The following DNAAF2 variants were observed in gnomAD, a reference collection of about 807,000 sequenced individuals.
The protein encoded by DNAAF2 is protein kintoun.
A neutral mutation model predicts 48.8 loss-of-function variants in DNAAF2; 58 were observed. The ratio of observed to expected loss-of-function variants is 1.19; its 90% CI spans 0.96 to 1.48. The LOEUF is 1.48. Among genes scored for constraint, DNAAF2 ranks in the 40% most tolerant of loss-of-function variants. The pLI, the probability that DNAAF2 is intolerant of heterozygous loss-of-function variation, is 0.00. For missense variants in DNAAF2, 1,241 were observed against 1,116.1 expected (o/e 1.11, Z -1.59); for synonymous variants, 567 against 481.2 (o/e 1.18, Z -2.33).
Position 49,634,686 on chromosome 14 carries a change from CG to C in DNAAF2, c.463del (p.Arg155GlyfsTer24). 2.5e-6 allele frequency: 4 copies of C among 1,606,280 alleles called. No homozygotes were observed. Among genetic ancestry groups the C allele is most frequent in the Non-Finnish European group, 1.7e-6 (2 of 1,179,684 alleles). ...VFHPDALALA[R>X]RHEGFRQMLD... The stretch of plus-strand genomic sequence containing the variant: ...CATCTGGCGGAAGCCCTCGTGCCGC[CG>C]GGCCAGCGCAAGCGCGTCTGGATGG... On this transcript the variant is annotated frameshift_variant, in exon 1 of 3. Coordinates refer to ENST00000298292, the MANE Select transcript of DNAAF2 (RefSeq NM_018139.3). LOFTEE classifies it high-confidence loss of function.
intron 2 of DNAAF2, among the ~76,000 whole-genome samples, chr14:49,626,967 G>A (rs1324148015): frequency 2.6e-5 from 4 of 151,756 alleles, no homozygotes; most frequent in Admixed American, 2.0e-4. Flanking sequence ...CATGACGCCC[G>A]GCTAATTTTT....
chr14:49,633,241 T>G, intron 1 of DNAAF2, 46 bp downstream of exon 1: 1 of 1,591,390 alleles, frequency 6.3e-7, no homozygotes, highest in Non-Finnish European at 8.6e-7. Context: ...ATTTTTAAAG[T>G]GAGATGGGAT....
Position 49,634,962 on chromosome 14 carries a change from C to A in DNAAF2, c.188G>T (p.Arg63Leu). 9 of 1,560,426 alleles carry A rather than the reference C, an allele frequency of 5.8e-6. No homozygotes were observed. Among genetic ancestry groups the A allele is most frequent in the Non-Finnish European group, 7.8e-6 (9 of 1,152,400 alleles). ...GTGCACGAACCGCACTTCCACCCCGCGCTCACGCTCTAGCGCGGTGATCTC... is the reference window on the plus strand; with the variant it reads ...GTGCACGAACCGCACTTCCACCCCGAGCTCACGCTCTAGCGCGGTGATCTC... ...EAEITALERE[R>L]GVEVRFVHPE... is the part of the protein sequence containing the mutation. Residue 63 changes from arginine (R) to leucine (L), a missense_variant, in exon 1 of 3, where the codon CGC becomes CTC. Coordinates refer to ENST00000298292, the MANE Select transcript of DNAAF2 (RefSeq NM_018139.3).
Position 49,625,458 on chromosome 14 carries a change from G to C in DNAAF2, c.*84C>G, listed in dbSNP as rs187830950. ...TTAATTTTATACTTTAATACCTTTA[G>C]TTTTAAGACAACAGTTAACAGAATC... is the stretch of plus-strand genomic sequence containing the variant. On this transcript the variant is annotated 3_prime_UTR_variant, in exon 3 of 3. Transcript: ENST00000298292. 136 of 1,077,378 alleles carry C rather than the reference G, an allele frequency of 1.3e-4. No homozygotes were observed. The highest frequency in any genetic ancestry group is 6.8e-4 in the Admixed American group (18 of 26,536). 66.7% of individuals were successfully genotyped at this position (1,077,378 alleles called of 1,614,324 possible).
At chr14:49,628,274 T>C in intron 1 of DNAAF2, 119 bp from the exon 2 acceptor site, 2 of 870,268 alleles carry the variant, frequency 2.3e-6, no homozygotes, top group Non-Finnish European at 3.5e-6. Context: ...AAAATGTTTA[T>C]TTTAATGTTA....
chr14:49,634,209 G>A lies in DNAAF2; in HGVS notation c.941C>T (p.Pro314Leu). 6.2e-7 allele frequency: 1 copy of A among 1,612,140 alleles called. No homozygotes were observed. The highest frequency in any genetic ancestry group is 8.5e-7 in the Non-Finnish European group (1 of 1,179,708). ...RKLLCLDSRK[P>L]DYRLRLSLPY... is the part of the protein sequence containing the mutation. The stretch of plus-strand genomic sequence containing the variant: ...GAGCGAGAGCCGCAGCCGGTAGTCA[G>A]GTTTCCTCGAGTCGAGGCACAGCAG... The change falls in exon 1 of 3, where the codon CCT becomes CTT. Residue 314 changes from proline to leucine, a missense_variant. Coordinates refer to ENST00000298292, the MANE Select transcript of DNAAF2 (RefSeq NM_018139.3).
chr14:49,627,212 G>A (rs569062435), intron 2 of DNAAF2, among the ~76,000 whole-genome samples: 3 of 152,110 alleles, frequency 2.0e-5, no homozygotes, highest in African/African-American at 7.2e-5. Flanking sequence ...CTATTTAACA[G>A]TTATAAGCAC....
Position 49,634,395 on chromosome 14 carries a change from T to A in DNAAF2, c.755A>T (p.Glu252Val). The A allele has an allele frequency of 6.3e-7, 1 of 1,589,004 alleles. No individual in the cohort carries two copies. Among genetic ancestry groups the A allele is most frequent in the Non-Finnish European group, 8.6e-7 (1 of 1,167,356 alleles). Residue 252 changes from glutamate (E) to valine (V), a missense_variant, in exon 1 of 3, where the codon GAG becomes GTG. Coordinates refer to ENST00000298292, the MANE Select transcript of DNAAF2 (RefSeq NM_018139.3). ...PEAALQPAPT[E>V]PRYSVVQRHH... Reference sequence around the variant, plus strand: ...GCGCTGCACCACGCTGTAGCGAGGCTCGGTGGGGGCGGGCTGCAAGGCCGC... The same window carrying A: ...GCGCTGCACCACGCTGTAGCGAGGCACGGTGGGGGCGGGCTGCAAGGCCGC...
chr14:49,627,934 A>G, intron 2 of DNAAF2, 78 bp downstream of exon 2: 6 of 1,355,390 alleles, frequency 4.4e-6, no homozygotes, highest in Non-Finnish European at 5.9e-6. Flanking sequence ...TAAAGTTATG[A>G]TATTAAGAAA....
chr14:49,627,047 G>A (rs963594169), intron 2 of DNAAF2, among the ~76,000 whole-genome samples: 4 of 151,820 alleles, frequency 2.6e-5, no homozygotes, highest in Non-Finnish European at 4.4e-5. Context: ...CGGGTGATCC[G>A]CCTGCCTCGG....
intron 1 of DNAAF2, among the ~76,000 whole-genome samples, chr14:49,630,981 C>T (rs923280136): frequency 6.6e-6 from 1 of 152,080 alleles, no homozygotes. Context: ...AATCTCCTGA[C>T]CTCGTGATCT....
chr14:49,627,361 A>T (rs1026350295), intron 2 of DNAAF2, among the ~76,000 whole-genome samples: 1 of 152,200 alleles, frequency 6.6e-6, no homozygotes, highest in Non-Finnish European at 1.5e-5. Context: ...ACCAAAATTA[A>T]GATTGAATTA....
At chr14:49,630,669 CCACACACACACACACACA>C (rs71441237) in intron 1 of DNAAF2, among the ~76,000 whole-genome samples, 1 of 132,486 alleles carries the variant, frequency 7.5e-6, no homozygotes, top group Non-Finnish European at 1.6e-5. Context: ...AACTCTCTCT[CCACACACACACACACACA>C]CACACACACA....
At chr14:49,627,238 A>C (rs1390209288) in intron 2 of DNAAF2, among the ~76,000 whole-genome samples, 1 of 152,200 alleles carries the variant, frequency 6.6e-6, no homozygotes, top group Non-Finnish European at 1.5e-5. Context: ...TGAATTTCTT[A>C]AATTTTCTTG....
rs1883262955 is a variant in DNAAF2, at chr14:49,634,234, G to T, written c.916C>A (p.Leu306Met). 9.9e-6 allele frequency: 16 copies of T among 1,612,272 alleles called. No individual in the cohort carries two copies. The highest frequency in any genetic ancestry group is 1.3e-5 in the Non-Finnish European group (15 of 1,179,804). Residue 306 changes from leucine to methionine, a missense_variant, in exon 1 of 3, where the codon CTG becomes ATG. Coordinates refer to ENST00000298292, the MANE Select transcript of DNAAF2 (RefSeq NM_018139.3). The part of the protein sequence containing the change: ...EQAALEVTRK[L>M]LCLDSRKPDY... ...GGTTTCCTCGAGTCGAGGCACAGCA[G>T]CTTTCTCGTTACCTCCAGCGCCGCC...
Position 49,635,015 on chromosome 14 carries a change from G to C in DNAAF2, c.135C>G (p.Asp45Glu). The C allele has an allele frequency of 6.4e-7, 1 of 1,570,850 alleles. No individual in the cohort carries two copies. Among genetic ancestry groups the C allele is most frequent in the Non-Finnish European group, 8.6e-7 (1 of 1,158,566 alleles). ...MFSQYAEELTDPENRRRYEAE... is the reference protein window; with the variant it reads ...MFSQYAEELTEPENRRRYEAE... ...CCTCGTAGCGCCGCCGGTTCTCCGG[G>C]TCGGTGAGCTCCTCGGCGTACTGGG... Residue 45 changes from aspartate to glutamate, a missense_variant, in exon 1 of 3, where the codon GAC (aspartate) becomes GAG (glutamate). Physicochemically the swap from Asp to Glu is conservative, Grantham distance 45. Transcript: ENST00000298292.
chr14:49,630,669 C>A (rs183169875), intron 1 of DNAAF2, among the ~76,000 whole-genome samples: 283 of 132,562 alleles, frequency 2.1e-3, no homozygotes, highest in Non-Finnish European at 3.5e-3. Context: ...AACTCTCTCT[C>A]CACACACACA....
intron 1 of DNAAF2, among the ~76,000 whole-genome samples, chr14:49,631,889 C>A (rs1883174525): frequency 6.6e-6 from 1 of 151,688 alleles, no homozygotes; most frequent in African/African-American, 2.4e-5. Context: ...GATTTTTTTC[C>A]AAAAATTTAA....
Position 49,634,757 on chromosome 14 carries a change from G to A in DNAAF2, c.393C>T (p.Tyr131=), listed in dbSNP as rs767631402. 1.3e-6 allele frequency: 2 copies of A among 1,599,002 alleles called. No homozygotes were observed. The highest frequency in any genetic ancestry group is 1.1e-5 in the South Asian group (1 of 90,352). ...LPYSLAPGRE[Y]AGRSSSRYMV... is the part of the protein sequence containing the mutation. ...TGTAGCGGCTGCTGCTGCGCCCCGC[G>A]TACTCGCGGCCGGGCGCCAGGCTGT... The change falls in exon 1 of 3, where the codon TAC becomes TAT. Residue 131 remains tyrosine (Y), a synonymous_variant. Coordinates refer to ENST00000298292, the MANE Select transcript of DNAAF2 (RefSeq NM_018139.3).
Sources: allele counts gnomAD v4.1 joint callset (sites outside exome capture counted in the v4.1 genomes callset), GRCh38; gene constraint gnomAD v4.1.1; transcripts MANE v1.5; gene names NCBI Gene and HGNC (gene_info 2026-07-23, HGNC 2026-07-21).